HTRA4: variants seen among roughly 807,000 people sequenced by gnomAD.
The protein encoded by HTRA4 is HtrA serine peptidase 4.
Under a neutral mutation model 49.1 loss-of-function variants are expected in HTRA4, and 46 were observed. The observed-to-expected ratio is 0.94, with a 90% CI of 0.74 to 1.20. HTRA4 has a LOEUF of 1.20. Ranked by LOEUF, HTRA4 falls within the 50% of genes most tolerant of loss-of-function variation. The probability of loss-of-function intolerance (pLI) is 0.00; values close to 1 mark genes in which losing one functional copy is unlikely to be tolerated. For missense variants in HTRA4, 602 were observed against 636.9 expected, an observed-to-expected ratio of 0.95 and a Z score of 0.59; for synonymous variants, 261 against 264.0, an observed-to-expected ratio of 0.99 and a Z score of 0.11.
intron 8 of HTRA4, among the ~76,000 whole-genome samples, chr8:38,984,331 G>C (rs577275894): frequency 6.6e-6 from 1 of 151,732 alleles, no homozygotes; most frequent in South Asian, 2.1e-4. Context: ...CACATTTTTC[G>C]GCTGGGCATG....
chr8:38,978,184 C>A, intron 4 of HTRA4, 37 bp downstream of exon 4: 3 of 1,567,792 alleles, frequency 1.9e-6, no homozygotes, highest in South Asian at 1.2e-5. Context: ...AACCCATGGG[C>A]TGTGGACCAG....
intron 2 of HTRA4, among the ~76,000 whole-genome samples, chr8:38,975,745 C>T (rs753647123): frequency 1.1e-4 from 17 of 152,172 alleles, no homozygotes; most frequent in Non-Finnish European, 2.1e-4. Flanking sequence ...TCAGCCCCCA[C>T]TTTGGATACA....
intron 2 of HTRA4, among the ~76,000 whole-genome samples, chr8:38,975,363 C>G (rs1008154182): frequency 6.6e-6 from 1 of 152,312 alleles, no homozygotes; most frequent in South Asian, 2.1e-4. Flanking sequence ...GCTTTTTCCC[C>G]CTCCTGCCAC....
chr8:38,978,617 T>G (rs1488347663), intron 4 of HTRA4, among the ~76,000 whole-genome samples: 2 of 152,128 alleles, frequency 1.3e-5, no homozygotes, highest in African/African-American at 4.8e-5. Context: ...AATGCCACTT[T>G]GTTAGAGTCT....
intron 6 of HTRA4, among the ~76,000 whole-genome samples, chr8:38,982,141 C>T (rs10095616): frequency 0.42 from 63,756 of 151,966 alleles, 13,877 homozygotes; most frequent in East Asian, 0.75. Flanking sequence ...AACCACCATG[C>T]CTGGCCCGGA....
intron 1 of HTRA4, 139 bp downstream of exon 1, chr8:38,974,868 C>T: frequency 1.7e-6 from 2 of 1,182,208 alleles, no homozygotes; most frequent in African/African-American, 1.5e-5. Context: ...CCTCTGTGTT[C>T]CTGATTTCCT....
At chr8:38,980,573 CA>C (rs151157713) in intron 5 of HTRA4, among the ~76,000 whole-genome samples, 12,615 of 137,684 alleles carry the variant, frequency 0.092, 559 homozygotes, top group African/African-American at 0.14. Flanking sequence ...ACCTAACATA[CA>C]AAAAAAAAAA....
Position 38,974,561 on chromosome 8 carries a change from C to G in HTRA4, c.298C>G (p.Pro100Ala). ...PGLQCLQPLR[P>A]GFPSTCGCPT... ...GCTGCAGTGCCTCCAGCCGCTGCGC[C>G]CCGGGTTCCCCAGCACCTGCGGTTG... Residue 100 changes from proline (P) to alanine (A), a missense_variant, in exon 1 of 9, where the codon CCC becomes GCC. Transcript: ENST00000302495. 7.1e-7 allele frequency: 1 copy of G among 1,405,702 alleles called. No homozygotes were observed. The allele number at this position is 1,405,702 out of a possible 1,614,324, so 87.1% of individuals were successfully genotyped here.
At chr8:38,981,090 T>TTTTG (rs1386171777) in intron 5 of HTRA4, among the ~76,000 whole-genome samples, 2 of 126,808 alleles carry the variant, frequency 1.6e-5, no homozygotes, top group African/African-American at 7.4e-5. Flanking sequence ...TTTTTTTTTT[T>TTTTG]TTTTTTTGAG....
chr8:38,984,175 A>G (rs1184898085), intron 8 of HTRA4, among the ~76,000 whole-genome samples: 1 of 151,644 alleles, frequency 6.6e-6, no homozygotes, highest in East Asian at 2.0e-4. Context: ...TAATTGTTGT[A>G]TTTTTAGTAG....
chr8:38,976,110 G>A (rs1031646026), intron 2 of HTRA4, among the ~76,000 whole-genome samples: 1 of 152,186 alleles, frequency 6.6e-6, no homozygotes, highest in African/African-American at 2.4e-5. Flanking sequence ...AAAGTGAAAT[G>A]TCTGAGAAAA....
chr8:38,976,421 G>C, intron 2 of HTRA4, 114 bp from the exon 3 acceptor site: 1 of 993,272 alleles, frequency 1.0e-6, no homozygotes, highest in Non-Finnish European at 1.5e-6. Flanking sequence ...GAAAAGAAAA[G>C]AAAACTATGA....
At chr8:38,979,856 C>A (rs1172619967) in intron 5 of HTRA4, among the ~76,000 whole-genome samples, 1 of 152,124 alleles carries the variant, frequency 6.6e-6, no homozygotes, top group Non-Finnish European at 1.5e-5. Flanking sequence ...TGCCAAATGA[C>A]CAGCTTTGCT....
At position 38,974,494 on chromosome 8, in the gene HTRA4, T is replaced by C. The variant is rs894331401; in HGVS notation, c.231T>C (p.Arg77=). 6.6e-6 allele frequency: 10 copies of C among 1,510,114 alleles called. No individual in the cohort carries two copies. The African/African-American group carries it at 1.1e-4, about 17-fold the overall frequency. 93.5% of individuals were successfully genotyped at this position (1,510,114 alleles called of 1,614,324 possible). ...RCCRVCPAAE[R]EVCGGAQGQP... is the part of the protein sequence containing the mutation. ...GCCGCGTCTGCCCCGCGGCCGAGCG[T>C]GAAGTCTGCGGCGGGGCGCAGGGCC... The change falls in exon 1 of 9, where the codon CGT becomes CGC. Residue 77 remains arginine, a synonymous_variant. Transcript: ENST00000302495.
intron 6 of HTRA4, 51 bp from the exon 7 acceptor site, chr8:38,982,447 C>A (rs370712609): frequency 6.6e-7 from 1 of 1,504,910 alleles, no homozygotes. Context: ...TTTTAAGCTG[C>A]GCTAACAGGA....
Position 38,976,685 on chromosome 8 carries a change from T to C in HTRA4, c.717T>C (p.Val239=), listed in dbSNP as rs751153143. 10 of 1,614,106 alleles carry C rather than the reference T, an allele frequency of 6.2e-6. No individual in the cohort carries two copies. The highest frequency in any genetic ancestry group is 8.5e-6 in the Non-Finnish European group (10 of 1,180,050). The change falls in exon 3 of 9, where the codon GTT becomes GTC. Residue 239 remains valine, a synonymous_variant. Coordinates refer to ENST00000302495, the MANE Select transcript of HTRA4 (RefSeq NM_153692.4). ...AGAATGGGGCCCGTTATGAAGCTGTTGTCAAGGATATTGACCTTAAATTGG... is the reference window on the plus strand; with the variant it reads ...AGAATGGGGCCCGTTATGAAGCTGTCGTCAAGGATATTGACCTTAAATTGG... ...VLQNGARYEA[V]VKDIDLKLDL...
Position 38,974,652 on chromosome 8 carries a change from G to A in HTRA4, c.389G>A (p.Arg130Gln). ...ACCTACCCCAGCATGTGCGCGCTCC[G>A]GGCCGAAAACCGCGCCGCGCGCCGC... is the stretch of plus-strand genomic sequence containing the variant. ...RRTYPSMCAL[R>Q]AENRAARRLG... Residue 130 changes from arginine to glutamine, a missense_variant, in exon 1 of 9, where the codon CGG becomes CAG. Physicochemically the swap from Arg to Gln is conservative, Grantham distance 43 (BLOSUM62 1). Transcript: ENST00000302495. The A allele has an allele frequency of 7.1e-7, 1 of 1,404,466 alleles. No individual in the cohort carries two copies. 87.0% of individuals were successfully genotyped at this position (1,404,466 alleles called of 1,614,324 possible).
At chr8:38,985,042 G>A (rs992698271) in intron 8 of HTRA4, among the ~76,000 whole-genome samples, 1 of 152,186 alleles carries the variant, frequency 6.6e-6, no homozygotes, top group Admixed American at 6.5e-5. Flanking sequence ...GGCTAGGACA[G>A]CTTCCAAAAG....
At chr8:38,982,455 G>A in intron 6 of HTRA4, 43 bp from the exon 7 acceptor site, 1 of 1,557,696 alleles carries the variant, frequency 6.4e-7, no homozygotes, top group Non-Finnish European at 8.9e-7. Flanking sequence ...TGCGCTAACA[G>A]GAAAGAGGTT....
Sources: allele counts gnomAD v4.1 joint callset (sites outside exome capture counted in the v4.1 genomes callset), GRCh38; gene constraint gnomAD v4.1.1; transcripts MANE v1.5; gene names NCBI Gene and HGNC (gene_info 2026-07-23, HGNC 2026-07-21).